The following SETD3 variants were observed in gnomAD, a reference collection of about 807,000 sequenced individuals.
The protein encoded by SETD3 is SET domain containing 3, actin N3(tau)-histidine methyltransferase.
A neutral mutation model predicts 63.0 loss-of-function variants in SETD3; 19 were observed. That is an observed-to-expected ratio of 0.30 (90% confidence interval 0.21 to 0.44). The LOEUF is 0.44. Ranked by LOEUF, SETD3 falls within the 20% of genes least tolerant of loss-of-function variation. SETD3 has a pLI of 1.00. For missense variants in SETD3, 587 were observed against 728.5 expected (o/e 0.81, Z 2.24); for synonymous variants, 286 against 264.1 (o/e 1.08, Z -0.80).
intron 6 of SETD3, among the ~76,000 whole-genome samples, chr14:99,435,610 G>T (rs1893434477): frequency 6.6e-6 from 1 of 152,114 alleles, no homozygotes; most frequent in Non-Finnish European, 1.5e-5. Context: ...CCCCTAAAGG[G>T]CCATGACAGG....
intron 1 of SETD3, among the ~76,000 whole-genome samples, chr14:99,474,487 A>G (rs1166742224): frequency 6.6e-6 from 1 of 152,246 alleles, no homozygotes; most frequent in Non-Finnish European, 1.5e-5. Flanking sequence ...GCATGCAAAT[A>G]AAATTTTAAT....
Position 99,465,710 on chromosome 14 carries a change from C to T in SETD3, c.96G>A (p.Leu32=), listed in dbSNP as rs1393846547. The change falls in exon 2 of 13, where the codon CTG becomes CTA. Residue 32 remains leucine, a synonymous_variant. Transcript: ENST00000331768. ...GCCCAGAGGAGGACTTACTCTGCAG[C>T]AGCTCACTGGTCAGGTTCAAGATTT... ...PKEILNLTSE[L]LQKCSSPAPG... The T allele has an allele frequency of 1.2e-6, 2 of 1,613,442 alleles. No individual in the cohort carries two copies. The highest frequency in any genetic ancestry group is 1.7e-5 in the Admixed American group (1 of 59,970).
rs150828019 is a variant in SETD3, at chr14:99,403,196, C to T, written c.1177+1029G>A. 3.1e-3 allele frequency among the ~76,000 whole-genome samples: 468 copies of T among 152,256 alleles called. 3 individuals are homozygous for T. Among genetic ancestry groups the T allele is most frequent in the African/African-American group, 0.011 (450 of 41,538 alleles). ...TCTGCCTCCAGCATGACGTCAAACCCTGGACTTGTGCTGCACTGCTCCCTG... is the reference window on the plus strand; with the variant it reads ...TCTGCCTCCAGCATGACGTCAAACCTTGGACTTGTGCTGCACTGCTCCCTG... On this transcript the variant is annotated intron_variant, in intron 11 of 12. Coordinates refer to ENST00000331768, the MANE Select transcript of SETD3 (RefSeq NM_032233.3).
chr14:99,443,108 C>T (rs372455941), intron 6 of SETD3, among the ~76,000 whole-genome samples: 43 of 152,232 alleles, frequency 2.8e-4, no homozygotes, highest in African/African-American at 9.4e-4. Context: ...TGAAGCTGGA[C>T]GTGAACACAT....
chr14:99,406,525 A>AG lies in SETD3; in HGVS notation c.914dup (p.Gly306TrpfsTer25). 6.2e-7 allele frequency: 1 copy of AG among 1,614,198 alleles called. No individual in the cohort carries two copies. The highest frequency in any genetic ancestry group is 8.5e-7 in the Non-Finnish European group (1 of 1,180,022). On this transcript the variant is annotated frameshift_variant, in exon 9 of 13. Transcript: ENST00000331768. LOFTEE classifies it high-confidence loss of function. The stretch of plus-strand genomic sequence containing the variant: ...ATGCCACGAGACCCACCTGCTCTCC[A>AG]GCCCGAAAATCCTGCAGAGCCACAC...
At chr14:99,483,710 AT>A (rs1356730839), upstream of SETD3, among the ~76,000 whole-genome samples, 2 of 152,252 alleles carry the variant, frequency 1.3e-5, no homozygotes, top group African/African-American at 4.8e-5. Flanking sequence ...TTAAATGTGC[AT>A]TGGATAAGGT....
At chr14:99,463,464 G>A (rs2273386) in intron 3 of SETD3, 22 bp downstream of exon 3, 671,216 of 1,579,232 alleles carry the variant, frequency 0.43, 145,815 homozygotes, top group Admixed American at 0.59. Flanking sequence ...TTAAAATACA[G>A]TTATCATTCT....
At chr14:99,441,482 G>A (rs1007374296) in intron 6 of SETD3, among the ~76,000 whole-genome samples, 7 of 152,244 alleles carry the variant, frequency 4.6e-5, no homozygotes, top group Admixed American at 1.3e-4. Flanking sequence ...TCCAGGGAAG[G>A]GGACAGATGA....
chr14:99,426,395 T>C (rs1892884888), intron 6 of SETD3, among the ~76,000 whole-genome samples: 1 of 152,188 alleles, frequency 6.6e-6, no homozygotes, highest in Admixed American at 6.5e-5. Context: ...TCACAGATCT[T>C]CCTGTCTGCT....
intron 6 of SETD3, among the ~76,000 whole-genome samples, chr14:99,415,982 C>CA (rs1410053096): frequency 1.3e-5 from 2 of 152,100 alleles, no homozygotes; most frequent in Non-Finnish European, 2.9e-5. Context: ...CTGGGCTTAT[C>CA]AAAAACAGCT....
At chr14:99,443,548 G>C (rs1366258185) in intron 6 of SETD3, among the ~76,000 whole-genome samples, 1 of 152,090 alleles carries the variant, frequency 6.6e-6, no homozygotes, top group Non-Finnish European at 1.5e-5. Flanking sequence ...CACTGTGCCT[G>C]GTCCCATGAT....
At chr14:99,449,523 G>A (rs976913243) in intron 6 of SETD3, among the ~76,000 whole-genome samples, 5 of 152,138 alleles carry the variant, frequency 3.3e-5, no homozygotes, top group African/African-American at 1.2e-4. Context: ...TGCATACTGA[G>A]GGACCTCTAC....
Position 99,410,887 on chromosome 14 carries a change from C to T in SETD3, c.849+2064G>A, listed in dbSNP as rs74753961. Reference sequence around the variant, plus strand: ...GTTGCTGGGTTACAAATTCTACCTACTCCCTGAGTGATAGTCAGGGTAGAC... The same window carrying T: ...GTTGCTGGGTTACAAATTCTACCTATTCCCTGAGTGATAGTCAGGGTAGAC... On this transcript the variant is annotated intron_variant, in intron 8 of 12. Coordinates refer to ENST00000331768, the MANE Select transcript of SETD3 (RefSeq NM_032233.3). Among the ~76,000 whole-genome samples, 303 of 152,324 alleles carry T rather than the reference C, an allele frequency of 2.0e-3. 1 individual carries two copies. The highest frequency in any genetic ancestry group is 7.1e-3 in the African/African-American group (295 of 41,578).
chr14:99,480,175 C>A (rs3918022), intron 1 of SETD3, among the ~76,000 whole-genome samples: 2 of 151,936 alleles, frequency 1.3e-5, no homozygotes, highest in Non-Finnish European at 2.9e-5. Flanking sequence ...CCCCGGGCAC[C>A]CTGGTGGGCA....
chr14:99,447,192 T>C (rs1389167791), intron 6 of SETD3, among the ~76,000 whole-genome samples: 1 of 152,062 alleles, frequency 6.6e-6, no homozygotes. Context: ...AGGCTGGTCT[T>C]AAACTCCCGA....
At chr14:99,480,414 G>A (rs1334313297) in intron 1 of SETD3, among the ~76,000 whole-genome samples, 1 of 151,868 alleles carries the variant, frequency 6.6e-6, no homozygotes, top group Non-Finnish European at 1.5e-5. Context: ...GGGTGGCGCG[G>A]GGCCCGGGAG....
At chr14:99,465,350 C>A (rs1293246271) in intron 2 of SETD3, among the ~76,000 whole-genome samples, 1 of 152,204 alleles carries the variant, frequency 6.6e-6, no homozygotes, top group Non-Finnish European at 1.5e-5. Flanking sequence ...GACAAGAACA[C>A]TGAGTTTCGG....
At chr14:99,413,149 T>C in intron 7 of SETD3, 84 bp from the exon 8 acceptor site, 1 of 741,472 alleles carries the variant, frequency 1.3e-6, no homozygotes, top group South Asian at 1.7e-5. Context: ...AAATTTAGGT[T>C]TGATCTCTTA....
In SETD3 at chr14:99,461,072, G is replaced by A. The variant is rs1050563505; in HGVS notation, c.345+120C>T. ...CAAGGCCCTTCCAGGCTGCCTATCT[G>A]CCCACAGGCTCAGAACTAGAACTCC... On this transcript the variant is annotated intron_variant, in intron 4 of 12. Transcript: ENST00000331768. The A allele has an allele frequency of 2.0e-5, 24 of 1,223,576 alleles. No individual in the cohort carries two copies. In the East Asian group the frequency reaches 5.0e-4, roughly 25 times the overall value. 75.8% of individuals were successfully genotyped at this position (1,223,576 alleles called of 1,614,324 possible). A position where few individuals can be genotyped will look rare whatever the true frequency, so the allele number is the denominator to read the frequency against.
Sources: allele counts gnomAD v4.1 joint callset (sites outside exome capture counted in the v4.1 genomes callset), GRCh38; gene constraint gnomAD v4.1.1; transcripts MANE v1.5; gene names NCBI Gene and HGNC (gene_info 2026-07-23, HGNC 2026-07-21).